POU6F2: variants seen among roughly 807,000 people sequenced by gnomAD.
POU6F2 encodes the protein POU domain, class 6, transcription factor 2.
In POU6F2, 31 loss-of-function variants were observed where a neutral mutation model predicts 71.3. The observed-to-expected ratio is 0.43, with a 90% CI of 0.33 to 0.59. The LOEUF is 0.59. POU6F2 is among the 20% of genes least tolerant of loss of function. The pLI is 0.04. For missense variants in POU6F2, 783 were observed against 856.8 expected, an observed-to-expected ratio of 0.91 and a Z score of 1.07; for synonymous variants, 347 against 355.7, an observed-to-expected ratio of 0.98 and a Z score of 0.27.
intron 6 of POU6F2, among the ~76,000 whole-genome samples, chr7:39,431,515 A>T (rs769986007): frequency 6.6e-6 from 1 of 152,120 alleles, no homozygotes; most frequent in Non-Finnish European, 1.5e-5. Context: ...TCACTTACAA[A>T]CCCAGCCCAC....
At chr7:39,017,813 C>CGTGCGT (rs1554308524) in intron 1 of POU6F2, among the ~76,000 whole-genome samples, 2 of 147,924 alleles carry the variant, frequency 1.4e-5, no homozygotes, top group Non-Finnish European at 1.5e-5. Context: ...ATTGTGCATG[C>CGTGCGT]GTGTGTGTGT....
At chr7:39,130,523 C>T (rs1258067114) in intron 2 of POU6F2, among the ~76,000 whole-genome samples, 1 of 152,090 alleles carries the variant, frequency 6.6e-6, no homozygotes, top group East Asian at 1.9e-4. Context: ...GGACTTTTAT[C>T]TCCCTACACA....
chr7:39,291,693 G>A lies in POU6F2; in HGVS notation c.599-47949G>A. Among the ~76,000 whole-genome samples the A allele has an allele frequency of 1.3e-5, 2 of 152,150 alleles. 1 individual carries two copies. ...ATGAAGAAGAACCTCAGAAGATGAG[G>A]GCTAGGCTTGAAGCACGGTTTCATT... On this transcript the variant is annotated intron_variant, in intron 4 of 9. Coordinates refer to ENST00000518318, the MANE Select transcript of POU6F2 (RefSeq NM_001370959.1).
At chr7:39,345,038 A>G (rs1297817757) in intron 5 of POU6F2, among the ~76,000 whole-genome samples, 1 of 152,214 alleles carries the variant, frequency 6.6e-6, no homozygotes, top group Admixed American at 6.5e-5. Context: ...TATTTTCAAA[A>G]ATCAAAATGA....
intron 5 of POU6F2, among the ~76,000 whole-genome samples, chr7:39,341,321 A>G (rs1700435406): frequency 1.3e-5 from 2 of 152,188 alleles, no homozygotes; most frequent in Non-Finnish European, 2.9e-5. Context: ...GGCCAGGGCT[A>G]CTTTCAATTT....
At chr7:39,340,752 C>CATATATAT (rs149719876) in intron 5 of POU6F2, among the ~76,000 whole-genome samples, 1 of 35,830 alleles carries the variant, frequency 2.8e-5, no homozygotes, top group African/African-American at 1.1e-4. Context: ...TAGGTGCATT[C>CATATATAT]ATATATATAT....
chr7:39,460,462 G>T lies in POU6F2; in HGVS notation c.1490-85G>T. On this transcript the variant is annotated intron_variant, in intron 8 of 9. Coordinates refer to ENST00000518318, the MANE Select transcript of POU6F2 (RefSeq NM_001370959.1). This position sits in a 1 kb window ranked among gnomAD's most constrained non-coding sequence, Gnocchi z 4.4. Reference sequence around the variant, plus strand: ...CCTCACTGCTCTGCTGTTAAAGAGAGCCACTTTCTTATAAACCGTAATAAA... The same window carrying T: ...CCTCACTGCTCTGCTGTTAAAGAGATCCACTTTCTTATAAACCGTAATAAA... 1 of 1,484,260 alleles carries T rather than the reference G, an allele frequency of 6.7e-7. No individual in the cohort carries two copies. Among genetic ancestry groups the T allele is most frequent in the Non-Finnish European group, 9.2e-7 (1 of 1,087,632 alleles). 91.9% of individuals were successfully genotyped at this position (1,484,260 alleles called of 1,614,324 possible).
At chr7:39,041,991 G>A (rs905244899) in intron 1 of POU6F2, among the ~76,000 whole-genome samples, 6 of 151,974 alleles carry the variant, frequency 3.9e-5, no homozygotes, top group Admixed American at 6.6e-5. Flanking sequence ...TATGGTCAGA[G>A]TGTTGAAACT....
chr7:39,222,755 A>C (rs1313733962), intron 4 of POU6F2, among the ~76,000 whole-genome samples: 3 of 152,232 alleles, frequency 2.0e-5, no homozygotes, highest in Non-Finnish European at 4.4e-5. Flanking sequence ...CTTTTTGAAG[A>C]CTAAATAATA....
intron 4 of POU6F2, among the ~76,000 whole-genome samples, chr7:39,253,125 G>A (rs143064129): frequency 1.8e-4 from 28 of 152,320 alleles, no homozygotes; most frequent in African/African-American, 5.3e-4. Flanking sequence ...AAGAACCCAC[G>A]CAGAGGCAGA....
At chr7:39,154,052 A>C (rs900543105) in intron 2 of POU6F2, among the ~76,000 whole-genome samples, 2 of 152,230 alleles carry the variant, frequency 1.3e-5, no homozygotes, top group African/African-American at 4.8e-5. Flanking sequence ...GATGATTTAG[A>C]TTTTGAGAAA....
chr7:38,986,612 T>C (rs1211056912), intron 1 of POU6F2, among the ~76,000 whole-genome samples: 4 of 152,154 alleles, frequency 2.6e-5, no homozygotes, highest in African/African-American at 7.2e-5. Flanking sequence ...ATGCACGTGA[T>C]TGAAGTGAGT....
chr7:39,293,758 A>G (rs1784803896), intron 4 of POU6F2, among the ~76,000 whole-genome samples: 2 of 152,212 alleles, frequency 1.3e-5, no homozygotes, highest in African/African-American at 4.8e-5. Context: ...CTCAACCCAA[A>G]AAAGGAAACC....
intron 2 of POU6F2, among the ~76,000 whole-genome samples, chr7:39,114,387 A>ATG (rs145037898): frequency 0.07 from 10,696 of 152,212 alleles, 513 homozygotes; most frequent in Non-Finnish European, 0.1. Context: ...TCATGGGTCA[A>ATG]TGCATAGGTG....
At chr7:39,322,025 T>C (rs891753388) in intron 4 of POU6F2, among the ~76,000 whole-genome samples, 1 of 152,184 alleles carries the variant, frequency 6.6e-6, no homozygotes, top group Non-Finnish European at 1.5e-5. Flanking sequence ...GCCGTAAAAC[T>C]CAAATTCTCA....
intron 1 of POU6F2, among the ~76,000 whole-genome samples, chr7:38,995,073 T>C (rs534874275): frequency 1.2e-4 from 19 of 152,300 alleles, no homozygotes; most frequent in South Asian, 6.2e-4. Flanking sequence ...ATATTGACCA[T>C]AGAATTTGAA....
intron 4 of POU6F2, among the ~76,000 whole-genome samples, chr7:39,303,569 T>C (rs1314506811): frequency 6.6e-6 from 1 of 152,212 alleles, no homozygotes; most frequent in African/African-American, 2.4e-5. Flanking sequence ...CCTGGATCTG[T>C]TGGAATATTA....
intron 2 of POU6F2, among the ~76,000 whole-genome samples, chr7:39,124,330 C>A (rs188266972): frequency 7.9e-5 from 12 of 152,292 alleles, no homozygotes; most frequent in African/African-American, 1.2e-4. Context: ...CAGGCATAAG[C>A]CACCGCACCC....
At chr7:39,275,452 A>G (rs1407336860) in intron 4 of POU6F2, among the ~76,000 whole-genome samples, 6 of 152,322 alleles carry the variant, frequency 3.9e-5, no homozygotes, top group Middle Eastern at 3.4e-3. Context: ...GGAAGAATCA[A>G]TATCGTGAAA....
Sources: allele counts gnomAD v4.1 joint callset (sites outside exome capture counted in the v4.1 genomes callset), GRCh38; gene constraint gnomAD v4.1.1; non-coding constraint Gnocchi (gnomAD v3.1); transcripts MANE v1.5; gene names NCBI Gene and HGNC (gene_info 2026-07-23, HGNC 2026-07-21).